The following SERINC5 variants were observed in gnomAD, a reference collection of about 807,000 sequenced individuals.
The protein encoded by SERINC5 is serine incorporator 5, also known as chromosome 5 open reading frame 12.
SERINC5 carries 41 observed loss-of-function variants against 63.1 expected under a neutral mutation model. The ratio of observed to expected loss-of-function variants is 0.65; its 90% CI spans 0.51 to 0.84. The LOEUF (loss-of-function observed/expected upper bound fraction) is 0.84. Ranked by LOEUF, SERINC5 falls within the 40% of genes least tolerant of loss-of-function variation. SERINC5 has a pLI of 0.00. For missense variants in SERINC5, 523 were observed against 573.0 expected, an observed-to-expected ratio of 0.91 and a Z score of 0.89; for synonymous variants, 222 against 215.2, an observed-to-expected ratio of 1.03 and a Z score of -0.28.
chr5:80,229,642 A>AG (rs1751352344), intron 1 of SERINC5, among the ~76,000 whole-genome samples: 1 of 36,218 alleles, frequency 2.8e-5, no homozygotes, highest in Admixed American at 2.9e-4. Flanking sequence ...AAAGAAAAGG[A>AG]AAAAACAAAA....
chr5:80,200,325 A>G (rs573745105), intron 2 of SERINC5, among the ~76,000 whole-genome samples: 49 of 150,280 alleles, frequency 3.3e-4, no homozygotes, highest in African/African-American at 1.2e-3. Context: ...AAAAATACAA[A>G]AAAAAAAAAA....
intron 1 of SERINC5, among the ~76,000 whole-genome samples, chr5:80,231,167 G>A (rs887398183): frequency 6.6e-6 from 1 of 152,124 alleles, no homozygotes. Flanking sequence ...GAGAAAAAGG[G>A]AATAGTACTT....
chr5:80,200,343 A>C (rs1353141382), intron 2 of SERINC5, among the ~76,000 whole-genome samples: 2 of 144,610 alleles, frequency 1.4e-5, no homozygotes, highest in African/African-American at 5.1e-5. Flanking sequence ...AAAATTAGCC[A>C]GGCGTGGTGG....
In SERINC5 at chr5:80,139,234, A is replaced by C; in HGVS notation, c.*4429T>G. On this transcript the variant is annotated 3_prime_UTR_variant, in exon 12 of 12. Transcript: ENST00000507668. ...AAAACTTTTGTAGTTTTCTTTTTGC[A>C]AAGTAAAAAGGCTTAAATCTTTAAT... 7 of 972,532 alleles carry C rather than the reference A, an allele frequency of 7.2e-6. No individual in the cohort carries two copies. Among genetic ancestry groups the C allele is most frequent in the Non-Finnish European group, 8.6e-6 (7 of 818,252 alleles). 60.2% of individuals were successfully genotyped at this position (972,532 alleles called of 1,614,324 possible). A position where few individuals can be genotyped will look rare whatever the true frequency, so the allele number is the denominator to read the frequency against.
At chr5:80,171,948 A>G (rs937341996) in intron 5 of SERINC5, among the ~76,000 whole-genome samples, 1 of 152,170 alleles carries the variant, frequency 6.6e-6, no homozygotes, top group Non-Finnish European at 1.5e-5. Flanking sequence ...GGTAATGAAT[A>G]GCCAACTACC....
At chr5:80,198,375 T>G (rs1334538321) in intron 2 of SERINC5, among the ~76,000 whole-genome samples, 1 of 152,114 alleles carries the variant, frequency 6.6e-6, no homozygotes, top group East Asian at 1.9e-4. Context: ...CAGGACAAAG[T>G]CTGGCCCAGC....
chr5:80,243,788 A>T (rs952805635), intron 1 of SERINC5, among the ~76,000 whole-genome samples: 1 of 127,684 alleles, frequency 7.8e-6, no homozygotes, highest in Non-Finnish European at 1.7e-5. Flanking sequence ...AATAAATAAA[A>T]CAAAATAAAA....
intron 1 of SERINC5, among the ~76,000 whole-genome samples, chr5:80,250,604 G>A (rs763529554): frequency 6.6e-6 from 1 of 152,196 alleles, no homozygotes; most frequent in Non-Finnish European, 1.5e-5. Flanking sequence ...GGGATTATAG[G>A]CGTGAGCCAC....
chr5:80,203,270 A>ATATATG (rs557176325), intron 1 of SERINC5: 4 of 200,950 alleles, frequency 2.0e-5, no homozygotes, highest in South Asian at 1.7e-4. Flanking sequence ...ATATATATAT[A>ATATATG]TGTGTATATA....
intron 1 of SERINC5, among the ~76,000 whole-genome samples, chr5:80,213,681 T>A (rs1387446612): frequency 6.6e-6 from 1 of 152,124 alleles, no homozygotes; most frequent in African/African-American, 2.4e-5. Context: ...CCCCTTCCTG[T>A]CTCCCATGCA....
intron 1 of SERINC5, among the ~76,000 whole-genome samples, chr5:80,227,645 T>G (rs1751229352): frequency 6.6e-6 from 1 of 151,916 alleles, no homozygotes; most frequent in Non-Finnish European, 1.5e-5. Context: ...ATGTTTATTT[T>G]TAAATTGACT....
chr5:80,202,196 C>T (rs1368608029), intron 2 of SERINC5, among the ~76,000 whole-genome samples: 1 of 152,006 alleles, frequency 6.6e-6, no homozygotes, highest in East Asian at 1.9e-4. Flanking sequence ...CGAGATCATG[C>T]CATTGCACTC....
intron 11 of SERINC5, chr5:80,113,667 G>A (rs112977195): frequency 4.1e-6 from 1 of 241,522 alleles, no homozygotes; most frequent in Non-Finnish European, 8.6e-6. Context: ...AGAAGCAAAA[G>A]CAGAAAACCC....
chr5:80,188,276 C>T lies in SERINC5; in HGVS notation c.196-10212G>A, dbSNP rs1748956143. Reference sequence around the variant, plus strand: ...CTAGCCTGGGCGACAGAGCAAGACTCCGTCTCAAAAAAAAAAAAAAAAAAA... The same window carrying T: ...CTAGCCTGGGCGACAGAGCAAGACTTCGTCTCAAAAAAAAAAAAAAAAAAA... On this transcript the variant is annotated intron_variant, in intron 2 of 11. Transcript: ENST00000507668. Among the ~76,000 whole-genome samples the T allele has an allele frequency of 3.5e-5, 4 of 112,870 alleles. No individual in the cohort carries two copies. The South Asian group carries it at 1.1e-3, about 31-fold the overall frequency. 74.0% of individuals were successfully genotyped at this position (112,870 alleles called of 152,430 possible). A position where few individuals can be genotyped will look rare whatever the true frequency, so the allele number is the denominator to read the frequency against.
At chr5:80,199,783 A>C (rs930420339) in intron 2 of SERINC5, among the ~76,000 whole-genome samples, 6 of 152,226 alleles carry the variant, frequency 3.9e-5, no homozygotes, top group Admixed American at 3.3e-4. Flanking sequence ...ATAGCAACTT[A>C]TTAAGAGCAG....
chr5:80,142,766 G>A lies in SERINC5; in HGVS notation c.*897C>T. Reference sequence around the variant, plus strand: ...ATGCAGCAGGCTTCAACACGAAGCAGCTTTTCAGTTAAGGTCCTAAAAGTA... The same window carrying A: ...ATGCAGCAGGCTTCAACACGAAGCAACTTTTCAGTTAAGGTCCTAAAAGTA... On this transcript the variant is annotated 3_prime_UTR_variant, in exon 12 of 12. Coordinates refer to ENST00000507668, the MANE Select transcript of SERINC5 (RefSeq NM_001174072.3). The A allele has an allele frequency of 3.0e-6, 3 of 985,464 alleles. No individual in the cohort carries two copies. Among genetic ancestry groups the A allele is most frequent in the Non-Finnish European group, 3.6e-6 (3 of 829,938 alleles). 61.0% of individuals were successfully genotyped at this position (985,464 alleles called of 1,614,324 possible).
At chr5:80,174,890 C>G in intron 5 of SERINC5, 64 bp downstream of exon 5, 1 of 1,155,088 alleles carries the variant, frequency 8.7e-7, no homozygotes, top group Non-Finnish European at 1.2e-6. Flanking sequence ...CAGTTGAGTA[C>G]AGCCTTGGTC....
intron 4 of SERINC5, among the ~76,000 whole-genome samples, chr5:80,176,635 G>A (rs553543390): frequency 2.0e-5 from 3 of 152,284 alleles, no homozygotes; most frequent in Non-Finnish European, 2.9e-5. Flanking sequence ...GTTTCGCCAT[G>A]TTGGCCAGGC....
chr5:80,193,880 T>C (rs1217429495), intron 2 of SERINC5, among the ~76,000 whole-genome samples: 1 of 152,126 alleles, frequency 6.6e-6, no homozygotes, highest in Non-Finnish European at 1.5e-5. Flanking sequence ...ATAAAACCGT[T>C]TGGAAACATA....
Sources: gnomAD v4.1 joint callset for allele counts (sites outside exome capture counted in the v4.1 genomes callset) on GRCh38, gnomAD v4.1.1 for gene constraint, MANE v1.5 for transcripts, NCBI Gene and HGNC (gene_info 2026-07-23, HGNC 2026-07-21) for gene names.